TTI2: variants seen among roughly 807,000 people sequenced by gnomAD.
The protein encoded by TTI2 is TELO2 interacting protein 2.
In TTI2, 26 loss-of-function variants were observed where a neutral mutation model predicts 44.9. That is an observed-to-expected ratio of 0.58 (90% CI 0.42 to 0.80). TTI2 has a LOEUF of 0.80. TTI2 is among the 30% of genes least tolerant of loss of function. The pLI is 0.00. For synonymous variants in TTI2, 254 were observed against 250.9 expected, an observed-to-expected ratio of 1.01 and a Z score of -0.12; for missense variants, 582 against 611.6, an observed-to-expected ratio of 0.95 and a Z score of 0.51.
At position 33,500,436 on chromosome 8, in the gene TTI2, A is replaced by G; in HGVS notation, c.1314T>C (p.Asp438=). 6.2e-7 allele frequency: 1 copy of G among 1,614,170 alleles called. No individual in the cohort carries two copies. The highest frequency in any genetic ancestry group is 8.5e-7 in the Non-Finnish European group (1 of 1,180,024). ...LLKALLKLIC[D]VARDPNLTPE... The stretch of plus-strand genomic sequence containing the variant: ...GTGTAAGGTTTGGATCCCTTGCTAC[A>G]TCACAAATCAGTTTCAAGAGGGCCT... The change falls in exon 7 of 8, where the codon GAT becomes GAC. Residue 438 remains aspartate, a synonymous_variant. Transcript: ENST00000431156.
At chr8:33,500,093 A>G (rs1008977838) in intron 7 of TTI2, 1 of 474,472 alleles carries the variant, frequency 2.1e-6, no homozygotes, top group Non-Finnish European at 3.8e-6. Flanking sequence ...CCTTAGCCCC[A>G]GTGACATGTG....
rs1470647888 is a variant in TTI2 at position 33,500,617 on chromosome 8, G to T, written c.1260-127C>A. 6 of 1,174,900 alleles carry T rather than the reference G, an allele frequency of 5.1e-6. No homozygotes were observed. The East Asian group carries it at 1.0e-4, about 20-fold the overall frequency. The allele number at this position is 1,174,900 out of a possible 1,614,324, so 72.8% of individuals were successfully genotyped here. ...TAAGGAACTTAGGTCAAAGTTAAAT[G>T]AAAAAGACCTAAAAACAGAACCAAA... is the stretch of plus-strand genomic sequence containing the variant. On this transcript the variant is annotated intron_variant, in intron 6 of 7. Coordinates refer to ENST00000431156, the MANE Select transcript of TTI2 (RefSeq NM_001102401.4).
In TTI2 at chr8:33,499,046, A is replaced by G; in HGVS notation, c.*127T>C. The G allele has an allele frequency of 1.3e-6, 1 of 792,270 alleles. No homozygotes were observed. The allele number at this position is 792,270 out of a possible 1,614,324, so 49.1% of individuals were successfully genotyped here. On this transcript the variant is annotated 3_prime_UTR_variant, in exon 8 of 8. Coordinates refer to ENST00000431156, the MANE Select transcript of TTI2 (RefSeq NM_001102401.4). Reference sequence around the variant, plus strand: ...ATTCTTATGGAGGTAAAAGGAAAGGAAGGAAGGAAAAAGCAGCTTTCACTT... The same window carrying G: ...ATTCTTATGGAGGTAAAAGGAAAGGGAGGAAGGAAAAAGCAGCTTTCACTT...
chr8:33,499,609 G>GT (rs1808989951), intron 7 of TTI2: 1 of 225,204 alleles, frequency 4.4e-6, no homozygotes, highest in African/African-American at 2.3e-5. Context: ...AGATGAAATA[G>GT]TTTGAATAAA....
At position 33,512,587 on chromosome 8, in the gene TTI2, G is replaced by A; in HGVS notation, c.27C>T (p.Ala9=). ...ACAAATTAGAGTCTTCCTGCGATGG[G>A]GCTTCCAGAGCGCTGTCAAGCTCCA... MELDSALE[A]PSQEDSNLSE... Residue 9 remains alanine, a synonymous_variant, in exon 2 of 8, where the codon GCC becomes GCT. Transcript: ENST00000431156. 1 of 1,613,652 alleles carries A rather than the reference G, an allele frequency of 6.2e-7. No individual in the cohort carries two copies. Among genetic ancestry groups the A allele is most frequent in the Non-Finnish European group, 8.5e-7 (1 of 1,180,024 alleles).
intron 3 of TTI2, among the ~76,000 whole-genome samples, chr8:33,507,754 G>A (rs1563354105): frequency 6.6e-6 from 1 of 151,910 alleles, no homozygotes; most frequent in Non-Finnish European, 1.5e-5. Flanking sequence ...GGAAAGCCAA[G>A]GTGAGAGGCT....
At position 33,509,880 on chromosome 8, in the gene TTI2, G is replaced by T. The variant is rs767357713; in HGVS notation, c.700C>A (p.Gln234Lys). The change falls in exon 3 of 8, where the codon CAA (glutamine) becomes AAA (lysine). Residue 234 changes from glutamine (Q) to lysine (K), a missense_variant. By Grantham distance (53) the Gln-to-Lys change is moderately conservative. Transcript: ENST00000431156. ...AIKHVFSWTL[Q>K]QVTRPWLSQH... ...CTCAGCCAGGGCCGAGTGACCTGTT[G>T]CAGAGTCCATGAGAAAACATGTTTG... 1.1e-5 allele frequency: 17 copies of T among 1,610,582 alleles called. No homozygotes were observed. Among genetic ancestry groups the T allele is most frequent in the Non-Finnish European group, 1.4e-5 (16 of 1,178,582 alleles).
At chr8:33,508,898 A>T (rs116179477) in intron 3 of TTI2, among the ~76,000 whole-genome samples, 2,340 of 151,984 alleles carry the variant, frequency 0.015, 74 homozygotes, top group African/African-American at 0.053. Flanking sequence ...TCCCAGCACT[A>T]TGGGAGCCCA....
At chr8:33,506,134 C>G (rs1809284505) in intron 4 of TTI2, among the ~76,000 whole-genome samples, 1 of 152,126 alleles carries the variant, frequency 6.6e-6, no homozygotes, top group Admixed American at 6.6e-5. Flanking sequence ...TCATTCTGTA[C>G]TGTATATATA....
intron 2 of TTI2, 79 bp downstream of exon 2, chr8:33,511,888 T>C (rs1325224614): frequency 1.3e-6 from 2 of 1,486,226 alleles, no homozygotes; most frequent in African/African-American, 2.8e-5. Context: ...AAACTCTGTC[T>C]CGAAAATAAA....
Position 33,507,320 on chromosome 8 carries a change from G to A in TTI2, c.836C>T (p.Pro279Leu). The A allele has an allele frequency of 6.2e-7, 1 of 1,614,046 alleles. No individual in the cohort carries two copies. The highest frequency in any genetic ancestry group is 1.1e-5 in the South Asian group (1 of 91,080). The change falls in exon 4 of 8, where the codon CCA becomes CTA. Residue 279 changes from proline (P) to leucine (L), a missense_variant and splice_region_variant. Coordinates refer to ENST00000431156, the MANE Select transcript of TTI2 (RefSeq NM_001102401.4). ...HCLHHIVLNV[P>L]AADLLQYNRA... is the part of the protein sequence containing the mutation. ...GTTATACTGGAGCAAATCAGCAGCT[G>A]GCTGCAACCAGACAAATCGTCAAAT...
At chr8:33,510,804 GAC>G (rs1403718658) in intron 2 of TTI2, among the ~76,000 whole-genome samples, 1 of 152,148 alleles carries the variant, frequency 6.6e-6, no homozygotes, top group Non-Finnish European at 1.5e-5. Flanking sequence ...CTGGTAAAAT[GAC>G]AGTTACAGAT....
intron 2 of TTI2, among the ~76,000 whole-genome samples, chr8:33,511,733 C>CA (rs1200265245): frequency 6.6e-6 from 1 of 151,844 alleles, no homozygotes; most frequent in Non-Finnish European, 1.5e-5. Flanking sequence ...ACTAAAAATA[C>CA]AAAAAATCAG....
In TTI2 at chr8:33,498,980, G is replaced by T; in HGVS notation, c.*193C>A. ...CCTTTTTTCTCCCAAACTTTATTTA[G>T]AAATGGAAGGAGTTCAATTTTTTCT... On this transcript the variant is annotated 3_prime_UTR_variant, in exon 8 of 8. Transcript: ENST00000431156. 1 of 600,420 alleles carries T rather than the reference G, an allele frequency of 1.7e-6. No individual in the cohort carries two copies. The allele number at this position is 600,420 out of a possible 1,614,324, so 37.2% of individuals were successfully genotyped here.
intron 4 of TTI2, 152 bp from the exon 5 acceptor site, chr8:33,504,087 C>T: frequency 2.5e-6 from 2 of 808,252 alleles, no homozygotes; most frequent in Admixed American, 4.3e-5. Flanking sequence ...CTGCACATTA[C>T]TTTACATTTT....
Position 33,509,712 on chromosome 8 carries a change from T to TGA in TTI2, c.834+33_834+34insTC, listed in dbSNP as rs760196422. 6.9e-6 allele frequency: 11 copies of TGA among 1,600,178 alleles called. No individual in the cohort carries two copies. In the East Asian group the frequency reaches 2.5e-4, roughly 36 times the overall value. On this transcript the variant is annotated intron_variant, in intron 3 of 7. Transcript: ENST00000431156. ...CAGCCAGGAATGACTCAGTCTGTCC[T>TGA]GTCAACACAGATGACAAGCCAGAGG...
Position 33,498,793 on chromosome 8 carries a change from GGAGT to G in TTI2, c.*376_*379del. 1.5e-6 allele frequency: 1 copy of G among 660,610 alleles called. No individual in the cohort carries two copies. Among genetic ancestry groups the G allele is most frequent in the Non-Finnish European group, 2.6e-6 (1 of 389,218 alleles). The allele number at this position is 660,610 out of a possible 1,614,324, so 40.9% of individuals were successfully genotyped here. On this transcript the variant is annotated 3_prime_UTR_variant, in exon 8 of 8. Coordinates refer to ENST00000431156, the MANE Select transcript of TTI2 (RefSeq NM_001102401.4). ...GCCACGTCAGTGGGGCAAGAAATCT[GGAGT>G]GAGTGAAGAAAGCTAAGTTGTGAAC...
At chr8:33,506,752 A>T (rs1468070038) in intron 4 of TTI2, among the ~76,000 whole-genome samples, 1 of 147,362 alleles carries the variant, frequency 6.8e-6, no homozygotes, top group Non-Finnish European at 1.5e-5. Context: ...GAGTGCAGTG[A>T]CGTGACCTCA....
chr8:33,501,698 A>G (rs1443557318), intron 6 of TTI2, among the ~76,000 whole-genome samples: 1 of 152,330 alleles, frequency 6.6e-6, no homozygotes, highest in East Asian at 1.9e-4. Context: ...AAAGGTTGTC[A>G]TGGGGAAATG....
Sources: gnomAD v4.1 joint callset for allele counts (sites outside exome capture counted in the v4.1 genomes callset) on GRCh38, gnomAD v4.1.1 for gene constraint, MANE v1.5 for transcripts, NCBI Gene and HGNC (gene_info 2026-07-23, HGNC 2026-07-21) for gene names.